Variants in CRIM1 observed in about 807,000 individuals in gnomAD.
CRIM1 encodes cysteine rich transmembrane BMP regulator 1.
In CRIM1, 32 loss-of-function variants were observed where a neutral mutation model predicts 116.4. The ratio of observed to expected loss-of-function variants is 0.27; its 90% confidence interval spans 0.21 to 0.37. The LOEUF (loss-of-function observed/expected upper bound fraction) is 0.37. Among genes scored for constraint, CRIM1 ranks in the 10% least tolerant of loss-of-function variants. The pLI, the probability that CRIM1 is intolerant of heterozygous loss-of-function variation, is 1.00. For missense variants in CRIM1, 1,331 were observed against 1,354.8 expected (o/e 0.98, Z 0.28); for synonymous variants, 590 against 509.2 (o/e 1.16, Z -2.13).
At chr2:36,432,289 C>T (rs551876660) in intron 2 of CRIM1, among the ~76,000 whole-genome samples, 52 of 152,170 alleles carry the variant, frequency 3.4e-4, no homozygotes, top group African/African-American at 1.2e-3. Flanking sequence ...TTTATCTAAA[C>T]CATCCTTAGG....
At chr2:36,382,619 G>A (rs564238038) in intron 1 of CRIM1, among the ~76,000 whole-genome samples, 1 of 152,360 alleles carries the variant, frequency 6.6e-6, no homozygotes, top group South Asian at 2.1e-4. Context: ...CAGGTGTGCA[G>A]CATCCCTTTC....
intron 4 of CRIM1, among the ~76,000 whole-genome samples, chr2:36,460,995 G>A (rs1286129281): frequency 6.6e-6 from 1 of 152,222 alleles, no homozygotes; most frequent in Admixed American, 6.5e-5. Context: ...AAAAGAGCAT[G>A]ACCGTAGCAA....
chr2:36,513,486 T>A, intron 10 of CRIM1, 70 bp from the exon 11 acceptor site: 2 of 1,270,288 alleles, frequency 1.6e-6, no homozygotes, highest in Non-Finnish European at 2.3e-6. Context: ...CCAGTCCATG[T>A]ACAGACTCTG....
At chr2:36,450,211 C>A (rs1255181115) in intron 4 of CRIM1, among the ~76,000 whole-genome samples, 1 of 152,118 alleles carries the variant, frequency 6.6e-6, no homozygotes, top group African/African-American at 2.4e-5. Flanking sequence ...CTGGAGAGGG[C>A]CATGTGTGTA....
chr2:36,465,902 T>C (rs1677968419), intron 5 of CRIM1, among the ~76,000 whole-genome samples: 1 of 151,998 alleles, frequency 6.6e-6, no homozygotes, highest in African/African-American at 2.4e-5. Flanking sequence ...TTTTTTTTTT[T>C]TGAGACAGAG....
At chr2:36,548,488 A>C in intron 16 of CRIM1, 37 bp from the exon 17 acceptor site, 1 of 1,488,478 alleles carries the variant, frequency 6.7e-7, no homozygotes, top group Non-Finnish European at 9.0e-7. Flanking sequence ...TAAAGCAACT[A>C]ATTTTTTGTG....
intron 1 of CRIM1, among the ~76,000 whole-genome samples, chr2:36,383,960 C>T (rs75826280): frequency 0.34 from 51,262 of 151,934 alleles, 9,472 homozygotes; most frequent in East Asian, 0.82. Flanking sequence ...CAGCAGTGAA[C>T]GAGACAAAAA....
At chr2:36,416,330 T>G (rs1200331407) in intron 2 of CRIM1, among the ~76,000 whole-genome samples, 1 of 152,196 alleles carries the variant, frequency 6.6e-6, no homozygotes, top group Non-Finnish European at 1.5e-5. Flanking sequence ...TTATAAAAGA[T>G]AACTTTCATG....
At position 36,423,739 on chromosome 2, in the gene CRIM1, C is replaced by A. The variant is rs546406764; in HGVS notation, c.506-17519C>A. On this transcript the variant is annotated intron_variant, in intron 2 of 16. Coordinates refer to ENST00000280527, the MANE Select transcript of CRIM1 (RefSeq NM_016441.3). ...ATGATTTATAAAAAGATCCCAGAAT[C>A]TTTTGTAACTATTTAAAGGTCAGCA... Among the ~76,000 whole-genome samples the A allele has an allele frequency of 6.6e-5, 10 of 152,248 alleles. No individual in the cohort carries two copies. In the South Asian group the frequency reaches 1.9e-3, roughly 28 times the overall value.
intron 2 of CRIM1, among the ~76,000 whole-genome samples, chr2:36,415,685 T>TATCTC (rs1265084524): frequency 6.6e-6 from 1 of 152,184 alleles, no homozygotes; most frequent in Non-Finnish European, 1.5e-5. Context: ...GTGAGTGTCA[T>TATCTC]ATCTCATGCA....
intron 2 of CRIM1, among the ~76,000 whole-genome samples, chr2:36,425,483 ATTAC>A (rs1198532325): frequency 2.0e-5 from 3 of 152,198 alleles, no homozygotes; most frequent in Admixed American, 1.3e-4. Flanking sequence ...TTAAACTTAG[ATTAC>A]TTACTTTTAA....
chr2:36,499,096 C>A, intron 7 of CRIM1, 123 bp from the exon 8 acceptor site: 1 of 716,388 alleles, frequency 1.4e-6, no homozygotes, highest in Non-Finnish European at 2.4e-6. Flanking sequence ...TAAAAGTTTA[C>A]GATTTGATGA....
At position 36,495,471 on chromosome 2, in the gene CRIM1, ATTTATT is replaced by A. The variant is rs1274099210; in HGVS notation, c.1373-3744_1373-3739del. On this transcript the variant is annotated intron_variant, in intron 7 of 16. Transcript: ENST00000280527. ...CTCCCTCAAGCCTCTTTATTTATTT[ATTTATT>A]TTTTTTTTTTTTTTTTTTTGGATGA... Among the ~76,000 whole-genome samples the A allele has an allele frequency of 3.0e-5, 4 of 134,218 alleles. 1 individual carries two copies. Among genetic ancestry groups the A allele is most frequent in the South Asian group, 4.9e-4 (2 of 4,118 alleles). The allele number at this position is 134,218 out of a possible 152,430, so 88.1% of individuals were successfully genotyped here.
At chr2:36,460,546 CAATA>C (rs1262663204) in intron 4 of CRIM1, among the ~76,000 whole-genome samples, 17 of 152,172 alleles carry the variant, frequency 1.1e-4, no homozygotes, top group African/African-American at 4.1e-4. Flanking sequence ...AATTATATCT[CAATA>C]AAGCTGTTTT....
chr2:36,406,022 A>G (rs140216379), intron 2 of CRIM1, among the ~76,000 whole-genome samples: 30 of 152,264 alleles, frequency 2.0e-4, no homozygotes, highest in African/African-American at 5.8e-4. Context: ...CTTTATGTCT[A>G]TGGATTTTTT....
At chr2:36,478,034 C>T (rs1038757002) in intron 6 of CRIM1, among the ~76,000 whole-genome samples, 3 of 152,214 alleles carry the variant, frequency 2.0e-5, no homozygotes, top group Admixed American at 2.0e-4. Context: ...TATGCCTGAT[C>T]TCTGCACACA....
At chr2:36,409,872 T>C (rs1456530801) in intron 2 of CRIM1, among the ~76,000 whole-genome samples, 1 of 152,246 alleles carries the variant, frequency 6.6e-6, no homozygotes, top group Non-Finnish European at 1.5e-5. Flanking sequence ...CTAGTTCATA[T>C]TGACCTTCAC....
intron 4 of CRIM1, among the ~76,000 whole-genome samples, chr2:36,453,435 A>C (rs532322621): frequency 1.3e-5 from 2 of 152,372 alleles, no homozygotes; most frequent in Admixed American, 1.3e-4. Context: ...TTCCTAAGAC[A>C]TTAGATTGTG....
chr2:36,525,725 G>A (rs1665712278), intron 13 of CRIM1, among the ~76,000 whole-genome samples: 1 of 152,054 alleles, frequency 6.6e-6, no homozygotes, highest in African/African-American at 2.4e-5. Context: ...TGGCTGTAGG[G>A]CTCTTCCATG....
Sources: gnomAD v4.1 joint callset for allele counts (sites outside exome capture counted in the v4.1 genomes callset) on GRCh38, gnomAD v4.1.1 for gene constraint, MANE v1.5 for transcripts, NCBI Gene and HGNC (gene_info 2026-07-23, HGNC 2026-07-21) for gene names.